The following FOXK1 variants were observed in gnomAD, a reference collection of about 807,000 sequenced individuals.
The protein encoded by FOXK1 is forkhead box protein K1.
FOXK1 carries 19 observed loss-of-function variants against 51.9 expected under a neutral mutation model. The observed-to-expected ratio is 0.37, with a 90% CI of 0.26 to 0.54. FOXK1 has a LOEUF of 0.54. Ranked by LOEUF, FOXK1 falls within the 20% of genes least tolerant of loss-of-function variation. The probability of loss-of-function intolerance (pLI) is 0.87; values close to 1 mark genes in which losing one functional copy is unlikely to be tolerated. For synonymous variants in FOXK1, 537 were observed against 482.6 expected (o/e 1.11, Z -1.48); for missense variants, 870 against 1,032.7 (o/e 0.84, Z 2.16).
In FOXK1 at chr7:4,769,124, T is replaced by C. The variant is rs1781059105; in HGVS notation, c.*6660T>C. 1 of 152,140 alleles carries C rather than the reference T, an allele frequency of 6.6e-6. No individual in the cohort carries two copies. The highest frequency in any genetic ancestry group is 1.5e-5 in the Non-Finnish European group (1 of 68,024). The allele number at this position is 152,140 out of a possible 1,614,324, so 9.4% of individuals were successfully genotyped here. On this transcript the variant is annotated 3_prime_UTR_variant, in exon 9 of 9. Coordinates refer to ENST00000328914, the MANE Select transcript of FOXK1 (RefSeq NM_001037165.2). The surrounding 1 kb of genome is among the most constrained non-coding windows in gnomAD (Gnocchi z 4.1). Reference sequence around the variant, plus strand: ...TCAGAGAATATCACTAAGAGGGCAGTCAGTTTATTTTTAGGCATCTTTCTT... The same window carrying C: ...TCAGAGAATATCACTAAGAGGGCAGCCAGTTTATTTTTAGGCATCTTTCTT...
chr7:4,721,081 C>T (rs549627653), intron 1 of FOXK1, among the ~76,000 whole-genome samples: 194 of 152,276 alleles, frequency 1.3e-3, no homozygotes, highest in African/African-American at 4.4e-3. Flanking sequence ...CTCCGTGCCC[C>T]GTCCCTTTCT....
Position 4,755,133 on chromosome 7 carries a change from G to T in FOXK1, c.904-104G>T. ...ACTGGGACGGGTGCCGGCAAGACGC[G>T]CACATTCTCGTGGGAAGGTTCCTCC... On this transcript the variant is annotated intron_variant, in intron 3 of 8. Coordinates refer to ENST00000328914, the MANE Select transcript of FOXK1 (RefSeq NM_001037165.2). This position sits in a 1 kb window ranked among gnomAD's most constrained non-coding sequence, Gnocchi z 6.6. The T allele has an allele frequency of 6.9e-7, 1 of 1,442,774 alleles. No homozygotes were observed. Among genetic ancestry groups the T allele is most frequent in the Non-Finnish European group, 9.4e-7 (1 of 1,060,992 alleles). 89.4% of individuals were successfully genotyped at this position (1,442,774 alleles called of 1,614,324 possible).
Position 4,768,792 on chromosome 7 carries a change from C to T in FOXK1, c.*6328C>T, listed in dbSNP as rs1583217557. The stretch of plus-strand genomic sequence containing the variant: ...GGATTCGTCTCTGACTGATGAACCT[C>T]GCCGTGCCTGTCTGTCACATCCAAG... On this transcript the variant is annotated 3_prime_UTR_variant, in exon 9 of 9. Coordinates refer to ENST00000328914, the MANE Select transcript of FOXK1 (RefSeq NM_001037165.2). 6.6e-6 allele frequency: 1 copy of T among 152,262 alleles called. No homozygotes were observed. Among genetic ancestry groups the T allele is most frequent in the East Asian group, 1.9e-4 (1 of 5,190 alleles). 9.4% of individuals were successfully genotyped at this position (152,262 alleles called of 1,614,324 possible). A position where few individuals can be genotyped will look rare whatever the true frequency, so the allele number is the denominator to read the frequency against.
intron 1 of FOXK1, among the ~76,000 whole-genome samples, chr7:4,732,882 ATCT>A (rs1354114724): frequency 5.3e-5 from 8 of 152,076 alleles, no homozygotes; most frequent in Admixed American, 4.6e-4. Context: ...CGCAGAGTTT[ATCT>A]TCTTACTCGT....
At chr7:4,690,627 G>A (rs980859451) in intron 1 of FOXK1, among the ~76,000 whole-genome samples, 6 of 152,222 alleles carry the variant, frequency 3.9e-5, no homozygotes, top group African/African-American at 1.2e-4. Flanking sequence ...TTATTGAACT[G>A]AATTTAGAAT....
chr7:4,696,094 C>A (rs111660301), intron 1 of FOXK1, among the ~76,000 whole-genome samples: 2,978 of 143,430 alleles, frequency 0.021, 105 homozygotes, highest in African/African-American at 0.073. Flanking sequence ...CCAGCCTGGG[C>A]GACAGAGCAA....
In FOXK1 at chr7:4,751,049, C is replaced by G. The variant is rs569947840; in HGVS notation, c.747-3410C>G. On this transcript the variant is annotated intron_variant, in intron 2 of 8. Coordinates refer to ENST00000328914, the MANE Select transcript of FOXK1 (RefSeq NM_001037165.2). ...TTTTTTTTTGAGATGGAGTCTTGCT[C>G]TGTCGCCCAGGCTGGAGTGCAGTGG... is the stretch of plus-strand genomic sequence containing the variant. Among the ~76,000 whole-genome samples the G allele has an allele frequency of 2.3e-5, 3 of 131,312 alleles. No homozygotes were observed. The South Asian group carries it at 7.3e-4, about 32-fold the overall frequency. The allele number at this position is 131,312 out of a possible 152,430, so 86.1% of individuals were successfully genotyped here.
chr7:4,684,836 T>C (rs1267517134), intron 1 of FOXK1, among the ~76,000 whole-genome samples: 1 of 152,236 alleles, frequency 6.6e-6, no homozygotes, highest in Non-Finnish European at 1.5e-5. Context: ...ACGGTATTTT[T>C]TTTTTGTAAT....
At position 4,745,729 on chromosome 7, in the gene FOXK1, C is replaced by A. The variant is rs1228302201; in HGVS notation, c.746+4706C>A. Among the ~76,000 whole-genome samples, 1 of 151,794 alleles carries A rather than the reference C, an allele frequency of 6.6e-6. No individual in the cohort carries two copies. Among genetic ancestry groups the A allele is most frequent in the Non-Finnish European group, 1.5e-5 (1 of 67,960 alleles). On this transcript the variant is annotated intron_variant, in intron 2 of 8. Coordinates refer to ENST00000328914, the MANE Select transcript of FOXK1 (RefSeq NM_001037165.2). The surrounding 1 kb of genome is among the most constrained non-coding windows in gnomAD (Gnocchi z 4.3). The stretch of plus-strand genomic sequence containing the variant: ...GACCAGCCTGGTCAACATTGTGAAA[C>A]CCCATCTCTACTGAAAATACAAAAA...
intron 1 of FOXK1, among the ~76,000 whole-genome samples, chr7:4,684,988 G>A (rs1012415850): frequency 7.3e-6 from 1 of 136,120 alleles, no homozygotes; most frequent in Non-Finnish European, 1.6e-5. Context: ...GCATTACCAG[G>A]CATTGTGGTG....
chr7:4,739,988 C>T (rs1162410126), intron 1 of FOXK1, among the ~76,000 whole-genome samples: 2 of 146,878 alleles, frequency 1.4e-5, no homozygotes, highest in Non-Finnish European at 2.9e-5. Flanking sequence ...CTTCTGTTCT[C>T]ACACACAGTA....
rs148766593 is a variant in FOXK1, at chr7:4,767,698, C to T, written c.*5234C>T. The T allele has an allele frequency of 3.3e-5, 5 of 150,174 alleles. No individual in the cohort carries two copies. In the East Asian group the frequency reaches 9.7e-4, roughly 29 times the overall value. The allele number at this position is 150,174 out of a possible 1,614,324, so 9.3% of individuals were successfully genotyped here. A position where few individuals can be genotyped will look rare whatever the true frequency, so the allele number is the denominator to read the frequency against. ...TTCCTGCATCTTACAATTTCCTTTT[C>T]TTTTCAAAGTTCCTTTCTCCAGGCC... On this transcript the variant is annotated 3_prime_UTR_variant, in exon 9 of 9. Coordinates refer to ENST00000328914, the MANE Select transcript of FOXK1 (RefSeq NM_001037165.2). The surrounding 1 kb of genome is among the most constrained non-coding windows in gnomAD (Gnocchi z 6.6).
Position 4,682,455 on chromosome 7 carries a change from G to T in FOXK1, c.147G>T (p.Pro49=). 1.0e-6 allele frequency: 1 copy of T among 982,704 alleles called. No individual in the cohort carries two copies. The highest frequency in any genetic ancestry group is 1.2e-6 in the Non-Finnish European group (1 of 830,002). The allele number at this position is 982,704 out of a possible 1,614,324, so 60.9% of individuals were successfully genotyped here. The change falls in exon 1 of 9, where the codon CCG becomes CCT. Residue 49 remains proline (P), a synonymous_variant. Transcript: ENST00000328914. The surrounding 1 kb of genome is among the most constrained non-coding windows in gnomAD (Gnocchi z 7.6). ...CGGCCCCCGCGCAGCCCCAGCCTCC[G>T]CCCGGGCCGCCGCCGCCGCCGCCAC... ...PPPAPAQPQP[P]PGPPPPPPPP...
chr7:4,736,413 TG>T (rs1322963782), intron 1 of FOXK1, among the ~76,000 whole-genome samples: 10 of 150,328 alleles, frequency 6.7e-5, no homozygotes, highest in African/African-American at 1.7e-4. Flanking sequence ...GAATCAGTTT[TG>T]TTTTTTTTTT....
At chr7:4,726,234 C>T (rs1238741384) in intron 1 of FOXK1, among the ~76,000 whole-genome samples, 3 of 152,122 alleles carry the variant, frequency 2.0e-5, no homozygotes, top group Non-Finnish European at 2.9e-5. Flanking sequence ...TTTTGGCCTA[C>T]GAATGCTTTT....
intron 1 of FOXK1, among the ~76,000 whole-genome samples, chr7:4,727,250 C>A (rs1051016293): frequency 2.0e-5 from 3 of 152,118 alleles, no homozygotes; most frequent in African/African-American, 7.2e-5. Flanking sequence ...CTGCTCCCAG[C>A]CTATTATTAT....
Position 4,682,860 on chromosome 7 carries a change from G to A in FOXK1, c.552G>A (p.Leu184=). The change falls in exon 1 of 9, where the codon CTG becomes CTA. Residue 184 remains leucine, a synonymous_variant. Coordinates refer to ENST00000328914, the MANE Select transcript of FOXK1 (RefSeq NM_001037165.2). The surrounding 1 kb of genome is among the most constrained non-coding windows in gnomAD (Gnocchi z 7.6). ...FQRRGAPALQ[L]PKQCTFRFPS... Reference sequence around the variant, plus strand: ...GACGCGGCGCGCCCGCCCTGCAGCTGCCCAAGCAGTGAGTGGCCCCGCGAC... The same window carrying A: ...GACGCGGCGCGCCCGCCCTGCAGCTACCCAAGCAGTGAGTGGCCCCGCGAC... 1 of 1,529,714 alleles carries A rather than the reference G, an allele frequency of 6.5e-7. No individual in the cohort carries two copies. The highest frequency in any genetic ancestry group is 8.8e-7 in the Non-Finnish European group (1 of 1,141,524). The allele number at this position is 1,529,714 out of a possible 1,614,324, so 94.8% of individuals were successfully genotyped here.
chr7:4,684,421 G>A (rs1031179572), intron 1 of FOXK1, among the ~76,000 whole-genome samples: 1 of 152,154 alleles, frequency 6.6e-6, no homozygotes, highest in African/African-American at 2.4e-5. Context: ...AATTTAAAAT[G>A]CAACATCAAC....
chr7:4,702,802 C>T (rs975333548), intron 1 of FOXK1, among the ~76,000 whole-genome samples: 2 of 152,352 alleles, frequency 1.3e-5, no homozygotes, highest in Admixed American at 1.3e-4. Flanking sequence ...TGTAGCCCCC[C>T]ATCCTGGACG....
Sources: allele counts gnomAD v4.1 joint callset (sites outside exome capture counted in the v4.1 genomes callset), GRCh38; gene constraint gnomAD v4.1.1; non-coding constraint Gnocchi (gnomAD v3.1); transcripts MANE v1.5; gene names NCBI Gene and HGNC (gene_info 2026-07-23, HGNC 2026-07-21).